CNTNAP2: variants seen among roughly 807,000 people sequenced by gnomAD.
CNTNAP2 encodes contactin associated protein 2, also known as contactin-associated protein-like 2.
In CNTNAP2, 98 loss-of-function variants were observed where a neutral mutation model predicts 155.2. The observed-to-expected ratio is 0.63, with a 90% CI of 0.54 to 0.75. CNTNAP2 has a LOEUF of 0.75. Among genes scored for constraint, CNTNAP2 ranks in the 30% least tolerant of loss-of-function variants. CNTNAP2 has a pLI of 0.00. For synonymous variants in CNTNAP2, 651 were observed against 631.2 expected (o/e 1.03, Z -0.47); for missense variants, 1,727 against 1,688.1 (o/e 1.02, Z -0.40).
chr7:146,850,989 A>G (rs1794867596), intron 3 of CNTNAP2, among the ~76,000 whole-genome samples: 1 of 151,790 alleles, frequency 6.6e-6, no homozygotes, highest in Non-Finnish European at 1.5e-5. Context: ...TTTATTTTTT[A>G]TTTTTATTTT....
chr7:147,420,872 A>G (rs1241681581), intron 10 of CNTNAP2, among the ~76,000 whole-genome samples: 3 of 152,232 alleles, frequency 2.0e-5, no homozygotes, highest in Non-Finnish European at 4.4e-5. Context: ...AATTGTGTCA[A>G]TGTTTGTAAT....
intron 11 of CNTNAP2, among the ~76,000 whole-genome samples, chr7:147,510,588 C>T (rs1054435238): frequency 1.8e-4 from 27 of 150,828 alleles, no homozygotes; most frequent in Middle Eastern, 3.5e-3. Flanking sequence ...AAAAAAATTC[C>T]CAAAAAGTAA....
At chr7:147,109,517 A>G (rs1385391731) in intron 5 of CNTNAP2, among the ~76,000 whole-genome samples, 1 of 152,186 alleles carries the variant, frequency 6.6e-6, no homozygotes, top group African/African-American at 2.4e-5. Context: ...TGAGAGAGGA[A>G]GACTAAAATG....
At chr7:148,018,151 C>T (rs745732838) in intron 15 of CNTNAP2, among the ~76,000 whole-genome samples, 1 of 152,194 alleles carries the variant, frequency 6.6e-6, no homozygotes. Flanking sequence ...CTGGTACCTG[C>T]AATTTCTGAC....
intron 14 of CNTNAP2, among the ~76,000 whole-genome samples, chr7:147,928,525 T>A (rs1800438271): frequency 6.6e-6 from 1 of 152,208 alleles, no homozygotes; most frequent in South Asian, 2.1e-4. Flanking sequence ...CGATGAATTG[T>A]CTTGGTGAAA....
rs892015113 is a variant in CNTNAP2, at chr7:147,023,287, TAAAA to T, written c.403-20615_403-20612del. 2.0e-5 allele frequency among the ~76,000 whole-genome samples: 3 copies of T among 151,978 alleles called. No individual in the cohort carries two copies. In the South Asian group the frequency reaches 6.2e-4, roughly 32 times the overall value. On this transcript the variant is annotated intron_variant, in intron 3 of 23. Coordinates refer to ENST00000361727, the MANE Select transcript of CNTNAP2 (RefSeq NM_014141.6). ...TAGAAATTTTATATTATGTTGAGAC[TAAAA>T]AAAATCAACTCTGAGGTATAAATTT...
chr7:147,113,061 A>G (rs1800915212), intron 5 of CNTNAP2, among the ~76,000 whole-genome samples: 1 of 151,984 alleles, frequency 6.6e-6, no homozygotes, highest in African/African-American at 2.4e-5. Flanking sequence ...CCTCAATTTC[A>G]GAAGTCATTA....
chr7:147,215,459 T>G (rs1044555861), intron 8 of CNTNAP2, among the ~76,000 whole-genome samples: 8 of 152,166 alleles, frequency 5.3e-5, no homozygotes, highest in African/African-American at 1.9e-4. Flanking sequence ...GTATGTAGCC[T>G]TTTCATATTG....
chr7:146,323,219 A>T (rs1371235724), intron 1 of CNTNAP2, among the ~76,000 whole-genome samples: 1 of 152,186 alleles, frequency 6.6e-6, no homozygotes, highest in Non-Finnish European at 1.5e-5. Flanking sequence ...CAGTGTTGAA[A>T]GGTATTTTCT....
intron 10 of CNTNAP2, among the ~76,000 whole-genome samples, chr7:147,431,183 T>C (rs1372746688): frequency 6.6e-6 from 1 of 152,164 alleles, no homozygotes; most frequent in Non-Finnish European, 1.5e-5. Flanking sequence ...TGAAAAGTGA[T>C]TAATGTCAAC....
chr7:147,348,780 G>A (rs769916515), intron 9 of CNTNAP2, among the ~76,000 whole-genome samples: 6 of 151,836 alleles, frequency 4.0e-5, no homozygotes, highest in Middle Eastern at 3.4e-3. Context: ...TAAAAAATGC[G>A]GTATATATAC....
chr7:147,797,986 T>A (rs958700112), intron 13 of CNTNAP2, among the ~76,000 whole-genome samples: 1 of 152,200 alleles, frequency 6.6e-6, no homozygotes, highest in African/African-American at 2.4e-5. Context: ...TACTTTTATA[T>A]TCGTGTCTCT....
intron 18 of CNTNAP2, among the ~76,000 whole-genome samples, chr7:148,211,845 T>C (rs1000482750): frequency 3.9e-5 from 6 of 152,210 alleles, no homozygotes; most frequent in African/African-American, 1.2e-4. Context: ...ATTTAAAACA[T>C]TGTTTCTGTG....
At chr7:148,251,321 G>A (rs1045684741) in intron 20 of CNTNAP2, among the ~76,000 whole-genome samples, 3 of 152,176 alleles carry the variant, frequency 2.0e-5, no homozygotes, top group African/African-American at 7.2e-5. Flanking sequence ...ATCCAGACCG[G>A]CCAAAGGGAG....
chr7:146,793,465 G>T (rs1802709883), intron 2 of CNTNAP2, among the ~76,000 whole-genome samples: 1 of 152,198 alleles, frequency 6.6e-6, no homozygotes, highest in South Asian at 2.1e-4. Context: ...CATATGCAGT[G>T]GCATTAATCT....
chr7:146,328,864 G>T (rs1273547675), intron 1 of CNTNAP2, among the ~76,000 whole-genome samples: 1 of 152,150 alleles, frequency 6.6e-6, no homozygotes, highest in Non-Finnish European at 1.5e-5. Flanking sequence ...CAAGTGGTAT[G>T]ATTTCCTTTT....
intron 8 of CNTNAP2, among the ~76,000 whole-genome samples, chr7:147,197,494 A>G (rs999314803): frequency 5.3e-5 from 8 of 152,202 alleles, no homozygotes; most frequent in African/African-American, 1.9e-4. Context: ...TAAGATAAGG[A>G]GTAATATTAG....
chr7:148,283,328 G>GTT (rs1797021915), intron 21 of CNTNAP2, among the ~76,000 whole-genome samples: 1 of 126,288 alleles, frequency 7.9e-6, no homozygotes, highest in African/African-American at 3.5e-5. Flanking sequence ...AGGAAAGAAA[G>GTT]AAAGAATTCT....
intron 1 of CNTNAP2, among the ~76,000 whole-genome samples, chr7:146,222,219 G>A (rs937077888): frequency 7.2e-5 from 11 of 152,136 alleles, no homozygotes; most frequent in African/African-American, 2.7e-4. Context: ...ATACAATACA[G>A]GTGAAACACA....
Sources: allele counts gnomAD v4.1 joint callset (sites outside exome capture counted in the v4.1 genomes callset), GRCh38; gene constraint gnomAD v4.1.1; transcripts MANE v1.5; gene names NCBI Gene and HGNC (gene_info 2026-07-23, HGNC 2026-07-21).